The following CORO2B variants were observed in gnomAD, a reference collection of about 807,000 sequenced individuals.
CORO2B encodes coronin 2B.
A neutral mutation model predicts 58.8 loss-of-function variants in CORO2B; 26 were observed. That is an observed-to-expected ratio of 0.44 (90% confidence interval 0.32 to 0.61). The LOEUF (loss-of-function observed/expected upper bound fraction) is 0.61, where lower values mean the gene tolerates loss of function less well. Ranked by LOEUF, CORO2B falls within the 20% of genes least tolerant of loss-of-function variation. The probability of loss-of-function intolerance (pLI) is 0.04; values close to 1 mark genes in which losing one functional copy is unlikely to be tolerated. For missense variants in CORO2B, 460 were observed against 645.1 expected, an observed-to-expected ratio of 0.71 and a Z score of 3.11; for synonymous variants, 242 against 253.8, an observed-to-expected ratio of 0.95 and a Z score of 0.44.
the CORO2B span, among the ~76,000 whole-genome samples, chr15:68,547,396 AAAAATACAG>A: frequency 1.3e-5 from 2 of 152,340 alleles, no homozygotes; most frequent in Admixed American, 1.3e-4. Flanking sequence ...CCTTTATTTT[AAAAATACAG>A]AAAATACAGA....
chr15:68,533,678 C>T, the CORO2B span, among the ~76,000 whole-genome samples: 1 of 152,170 alleles, frequency 6.6e-6, no homozygotes, highest in Non-Finnish European at 1.5e-5. Flanking sequence ...GTAGCCATTC[C>T]TCCCCAAGCA....
chr15:68,593,100 C>CT (rs1899744732), intron 1 of CORO2B, among the ~76,000 whole-genome samples: 1 of 152,144 alleles, frequency 6.6e-6, no homozygotes. Flanking sequence ...CAAACTCATT[C>CT]TTTCATCAGG....
intron 2 of CORO2B, among the ~76,000 whole-genome samples, chr15:68,682,288 C>T (rs540400307): frequency 2.0e-5 from 3 of 152,262 alleles, no homozygotes; most frequent in East Asian, 1.9e-4. Flanking sequence ...CTCTGGAGTT[C>T]GAGAAGAGAC....
intron 1 of CORO2B, among the ~76,000 whole-genome samples, chr15:68,615,639 C>A (rs1342368423): frequency 6.6e-6 from 1 of 152,090 alleles, no homozygotes; most frequent in Admixed American, 6.5e-5. Flanking sequence ...AAGATTAAGG[C>A]CTCATGAATG....
intron 8 of CORO2B, among the ~76,000 whole-genome samples, chr15:68,716,249 T>A (rs1447812032): frequency 3.3e-5 from 5 of 152,206 alleles, no homozygotes; most frequent in African/African-American, 1.2e-4. Context: ...GACTTTGGAG[T>A]CAGACCTGGG....
chr15:68,529,607 C>T, the CORO2B span, among the ~76,000 whole-genome samples: 1 of 63,688 alleles, frequency 1.6e-5, no homozygotes, highest in South Asian at 8.8e-4. Context: ...CACTCATGCT[C>T]ACTCTCTCTT....
chr15:68,714,224 C>T (rs745441001), intron 6 of CORO2B, among the ~76,000 whole-genome samples, 183 bp downstream of exon 6: 7 of 152,186 alleles, frequency 4.6e-5, no homozygotes, highest in African/African-American at 7.2e-5. Flanking sequence ...GGAACAATGT[C>T]GGCCACACCT....
At chr15:68,714,422 C>A in intron 6 of CORO2B, 137 bp from the exon 7 acceptor site, 1 of 698,766 alleles carries the variant, frequency 1.4e-6, no homozygotes, top group Non-Finnish European at 2.5e-6. Context: ...CTTGCCACCA[C>A]CCATAGGACG....
chr15:68,574,214 CAG>C (rs1899237181), upstream of CORO2B, among the ~76,000 whole-genome samples: 1 of 152,170 alleles, frequency 6.6e-6, no homozygotes. Flanking sequence ...GCTGTGCTGA[CAG>C]AGAGGTGGGA....
At chr15:68,559,967 G>T in the CORO2B span, among the ~76,000 whole-genome samples, 8 of 152,366 alleles carry the variant, frequency 5.3e-5, no homozygotes, top group East Asian at 9.7e-4. The surrounding 1 kb of genome is among the most constrained non-coding windows in gnomAD (Gnocchi z 4.3). Flanking sequence ...TTAAACCTGT[G>T]TAAGGACGAC....
chr15:68,545,034 A>G, the CORO2B span, among the ~76,000 whole-genome samples: 1 of 152,192 alleles, frequency 6.6e-6, no homozygotes, highest in East Asian at 1.9e-4. Context: ...CTCGCCTCCC[A>G]AAGTGCTGGG....
intron 1 of CORO2B, among the ~76,000 whole-genome samples, chr15:68,610,139 C>G (rs564461886): frequency 3.5e-4 from 54 of 152,304 alleles, no homozygotes; most frequent in African/African-American, 1.3e-3. Context: ...ATGCAGAGAT[C>G]TCGGGGAAAT....
At chr15:68,678,316 G>A (rs1025234247) in intron 2 of CORO2B, among the ~76,000 whole-genome samples, 1 of 152,196 alleles carries the variant, frequency 6.6e-6, no homozygotes, top group Non-Finnish European at 1.5e-5. Context: ...CTGTGTCAGT[G>A]TGAGCCCTTT....
the CORO2B span, among the ~76,000 whole-genome samples, chr15:68,548,942 G>A: frequency 1.2e-3 from 185 of 152,140 alleles, no homozygotes; most frequent in African/African-American, 4.2e-3. Context: ...ACAGTCCCTT[G>A]TTGATTATAT....
At chr15:68,585,600 C>T (rs1165996991) in intron 1 of CORO2B, among the ~76,000 whole-genome samples, 1 of 152,142 alleles carries the variant, frequency 6.6e-6, no homozygotes, top group Non-Finnish European at 1.5e-5. Flanking sequence ...ACTTCCAGGC[C>T]TTTGGTCCTG....
chr15:68,564,635 T>C, the CORO2B span, among the ~76,000 whole-genome samples: 1 of 152,202 alleles, frequency 6.6e-6, no homozygotes, highest in Non-Finnish European at 1.5e-5. Flanking sequence ...TCTTTCTTTC[T>C]TCTGGTATAG....
intron 2 of CORO2B, among the ~76,000 whole-genome samples, chr15:68,684,883 C>T (rs1225132610): frequency 6.6e-5 from 10 of 152,296 alleles, no homozygotes; most frequent in East Asian, 5.8e-4. Flanking sequence ...GACTACAATA[C>T]CTGTTTTATA....
chr15:68,545,871 A>G, the CORO2B span, among the ~76,000 whole-genome samples: 147,419 of 152,278 alleles, frequency 0.97, 71,379 homozygotes, highest in East Asian at 1. Context: ...TTGGGAAAGC[A>G]GCGGATAGCT....
chr15:68,673,278 A>G (rs1567003859), intron 2 of CORO2B, among the ~76,000 whole-genome samples: 1 of 152,182 alleles, frequency 6.6e-6, no homozygotes, highest in Non-Finnish European at 1.5e-5. Context: ...GCTCACGTCT[A>G]TGATACCAGC....
Sources: allele counts gnomAD v4.1 joint callset (sites outside exome capture counted in the v4.1 genomes callset), GRCh38; gene constraint gnomAD v4.1.1; non-coding constraint Gnocchi (gnomAD v3.1); transcripts MANE v1.5; gene names NCBI Gene and HGNC (gene_info 2026-07-23, HGNC 2026-07-21).